MAPKBP1: variants seen among roughly 807,000 people sequenced by gnomAD.
MAPKBP1 encodes mitogen-activated protein kinase binding protein 1.
Under a neutral mutation model 170.5 loss-of-function variants are expected in MAPKBP1, and 71 were observed. The observed-to-expected ratio is 0.42, with a 90% CI of 0.34 to 0.51. The LOEUF (loss-of-function observed/expected upper bound fraction) is 0.51, where lower values mean the gene tolerates loss of function less well. MAPKBP1 is among the 20% of genes least tolerant of loss of function. The pLI is 0.06. For synonymous variants in MAPKBP1, 719 were observed against 757.9 expected, an observed-to-expected ratio of 0.95 and a Z score of 0.84; for missense variants, 1,598 against 1,933.0, an observed-to-expected ratio of 0.83 and a Z score of 3.25.
rs1057519305 is a variant in MAPKBP1, at chr15:41,816,937, G to A, written c.1613G>A (p.Arg538Gln). 2 of 1,611,462 alleles carry A rather than the reference G, an allele frequency of 1.2e-6. No homozygotes were observed. The highest frequency in any genetic ancestry group is 1.7e-6 in the Non-Finnish European group (2 of 1,178,318). Residue 538 changes from arginine (R) to glutamine (Q), a missense_variant, in exon 14 of 31, where the codon CGG (arginine) becomes CAG (glutamine). Arg to Gln is a conservative substitution (Grantham distance 43). Around this residue, in one of 6 missense-constraint regions of MAPKBP1, gnomAD observed 430 missense variants for 617.2 expected, o/e 0.70. Coordinates refer to ENST00000457542, the MANE Select transcript of MAPKBP1 (RefSeq NM_014994.3). ...TGLKLLASAS[R>Q]DRLIHVLDAG... ...CTGAAACTGCTAGCATCGGCGAGCC[G>A]GGACCGGCTGATCCATGTGCTGGAT...
At chr15:41,786,214 A>G (rs184423722) in intron 2 of MAPKBP1, among the ~76,000 whole-genome samples, 1 of 152,350 alleles carries the variant, frequency 6.6e-6, no homozygotes, top group African/African-American at 2.4e-5. Context: ...GGCTATAAAT[A>G]CCAAACTTGT....
intron 13 of MAPKBP1, 77 bp downstream of exon 13, chr15:41,816,727 C>G (rs1401181266): frequency 6.7e-7 from 1 of 1,482,198 alleles, no homozygotes; most frequent in Admixed American, 1.7e-5. Context: ...GGCTCTTGGA[C>G]GTGGGGTCGG....
At chr15:41,796,800 C>T (rs1360080339) in intron 2 of MAPKBP1, among the ~76,000 whole-genome samples, 1 of 152,114 alleles carries the variant, frequency 6.6e-6, no homozygotes, top group Non-Finnish European at 1.5e-5. Context: ...GAGCCTGTCT[C>T]CCAGGCCTGG....
intron 3 of MAPKBP1, among the ~76,000 whole-genome samples, chr15:41,806,833 C>G (rs2064705244): frequency 6.6e-6 from 1 of 152,150 alleles, no homozygotes; most frequent in Non-Finnish European, 1.5e-5. Flanking sequence ...CCCCAGCTGA[C>G]CTAGGAGCTT....
chr15:41,821,560 T>A (rs752687695), intron 23 of MAPKBP1, 24 bp from the exon 24 acceptor site: 1 of 1,605,466 alleles, frequency 6.2e-7, no homozygotes, highest in Non-Finnish European at 8.5e-7. Flanking sequence ...TCTGCTCTGT[T>A]AACATCCCTT....
rs1332896034 is a variant in MAPKBP1 at position 41,827,283 on chromosome 15, A to G, written c.*1847A>G. 2 of 151,464 alleles carry G rather than the reference A, an allele frequency of 1.3e-5. No individual in the cohort carries two copies. Among genetic ancestry groups the G allele is most frequent in the Non-Finnish European group, 2.9e-5 (2 of 67,914 alleles). The allele number at this position is 151,464 out of a possible 1,614,324, so 9.4% of individuals were successfully genotyped here. A position where few individuals can be genotyped will look rare whatever the true frequency, so the allele number is the denominator to read the frequency against. ...CCATTGCACTCCAACCTAGGTGACA[A>G]AGCTACACGCCATCTCAAAAAAAAA... On this transcript the variant is annotated 3_prime_UTR_variant, in exon 31 of 31. Coordinates refer to ENST00000457542, the MANE Select transcript of MAPKBP1 (RefSeq NM_014994.3).
rs1300663181 is a variant in MAPKBP1 at position 41,816,622 on chromosome 15, G to C, written c.1557G>C (p.Leu519=). The part of the protein sequence containing the change: ...LKVEAHDSEI[L]CLEYSKPDTG... ...TGGAGGCCCATGACTCTGAGATTCT[G>C]TGCCTGGAGTATTCTAAGCCAGACA... Residue 519 remains leucine, a synonymous_variant, in exon 13 of 31, where the codon CTG becomes CTC. Transcript: ENST00000457542. 1.2e-6 allele frequency: 2 copies of C among 1,614,008 alleles called. No individual in the cohort carries two copies. The highest frequency in any genetic ancestry group is 1.7e-6 in the Non-Finnish European group (2 of 1,180,044).
chr15:41,819,547 C>CAGCG lies in MAPKBP1; in HGVS notation c.2426-48_2426-47insAGCG, dbSNP rs765528665. 4.0e-6 allele frequency: 5 copies of CAGCG among 1,235,876 alleles called. No individual in the cohort carries two copies. In the African/African-American group the frequency reaches 5.5e-5, roughly 14 times the overall value. 76.6% of individuals were successfully genotyped at this position (1,235,876 alleles called of 1,614,324 possible). On this transcript the variant is annotated intron_variant, in intron 21 of 30. Coordinates refer to ENST00000457542, the MANE Select transcript of MAPKBP1 (RefSeq NM_014994.3). ...GGGCCAGGGCTCCAGGGTTGGGTGGCGGGGGGGGGGCAGGAGACACTTCCT... is the reference window on the plus strand; with the variant it reads ...GGGCCAGGGCTCCAGGGTTGGGTGGCAGCGGGGGGGGGGGCAGGAGACACTTCCT...
chr15:41,816,693 G>A (rs2064897768), intron 13 of MAPKBP1, 43 bp downstream of exon 13: 4 of 1,568,688 alleles, frequency 2.5e-6, no homozygotes, highest in Admixed American at 1.7e-5. Flanking sequence ...CTCCAGTCCT[G>A]CCGGTGCCAC....
chr15:41,822,657 A>G lies in MAPKBP1; in HGVS notation c.3294A>G (p.Gln1098=). 1 of 1,614,030 alleles carries G rather than the reference A, an allele frequency of 6.2e-7. No homozygotes were observed. Among genetic ancestry groups the G allele is most frequent in the Non-Finnish European group, 8.5e-7 (1 of 1,179,964 alleles). Reference sequence around the variant, plus strand: ...GTATCTCTTCACGATTCCTGTTGCAAGTACAGACCCGCCCACTCAGGTACA... The same window carrying G: ...GTATCTCTTCACGATTCCTGTTGCAGGTACAGACCCGCCCACTCAGGTACA... ...SRSISSRFLL[Q]VQTRPLREPS... Residue 1098 remains glutamine (Q), a synonymous_variant, in exon 27 of 31, where the codon CAA becomes CAG. Coordinates refer to ENST00000457542, the MANE Select transcript of MAPKBP1 (RefSeq NM_014994.3).
At position 41,823,429 on chromosome 15, in the gene MAPKBP1, C is replaced by T; in HGVS notation, c.3599-18C>T. 1 of 1,603,294 alleles carries T rather than the reference C, an allele frequency of 6.2e-7. No homozygotes were observed. Among genetic ancestry groups the T allele is most frequent in the South Asian group, 1.1e-5 (1 of 90,088 alleles). ...TTCCTCAACACCTGACCTGTGTATA[C>T]CTCTGTCTCCTTTGCAGAAAGACAT... On this transcript the variant is annotated intron_variant, in intron 28 of 30. Transcript: ENST00000457542.
rs573678027 is a variant in MAPKBP1, at chr15:41,814,612, C to A, written c.1043C>A (p.Pro348His). ...YPDTIALTFD[P>H]TNQWLSCVYN... ...GACACCATTGCCTTGACCTTTGATC[C>A]TACTAATCAGTGGCTGTCTTGTGTG... Residue 348 changes from proline (P) to histidine (H), a missense_variant, in exon 10 of 31, where the codon CCT (proline) becomes CAT (histidine). Coordinates refer to ENST00000457542, the MANE Select transcript of MAPKBP1 (RefSeq NM_014994.3). 8 of 1,614,198 alleles carry A rather than the reference C, an allele frequency of 5.0e-6. No individual in the cohort carries two copies. In the African/African-American group the frequency reaches 1.1e-4, roughly 22 times the overall value.
At position 41,819,644 on chromosome 15, in the gene MAPKBP1, G is replaced by A. The variant is rs557827880; in HGVS notation, c.2475G>A (p.Met825Ile). The part of the protein sequence containing the change: ...ALPRSLSHWE[M>I]SRAQESVGFL... ...CCCGAAGCCTGTCCCACTGGGAGAT[G>A]AGTCGGGTGAGTCGCCATTGTTAAA... Residue 825 changes from methionine to isoleucine, a missense_variant, in exon 22 of 31, where the codon ATG becomes ATA. Physicochemically the swap from Met to Ile is conservative, Grantham distance 10. Around this residue, in one of 6 missense-constraint regions of MAPKBP1, gnomAD observed 942 missense variants for 953.2 expected, o/e 0.99. Transcript: ENST00000457542. 9 of 1,609,868 alleles carry A rather than the reference G, an allele frequency of 5.6e-6. No individual in the cohort carries two copies. The Admixed American group carries it at 1.5e-4, about 27-fold the overall frequency.
Position 41,822,575 on chromosome 15 carries a change from T to C in MAPKBP1, c.3230-18T>C. On this transcript the variant is annotated intron_variant, in intron 26 of 30. Coordinates refer to ENST00000457542, the MANE Select transcript of MAPKBP1 (RefSeq NM_014994.3). ...GCTTGGTTTTTGCCCCAATTCATGA[T>C]TTCTCTGACCTTGGTAGGGGCCCCA... The C allele has an allele frequency of 6.2e-7, 1 of 1,613,508 alleles. No individual in the cohort carries two copies.
chr15:41,785,902 G>A (rs764885801), intron 2 of MAPKBP1, among the ~76,000 whole-genome samples: 2 of 152,106 alleles, frequency 1.3e-5, no homozygotes, highest in African/African-American at 2.4e-5. Flanking sequence ...ATCTTATTCT[G>A]TGCAGACACT....
intron 8 of MAPKBP1, 148 bp downstream of exon 8, chr15:41,813,249 A>G: frequency 6.6e-7 from 1 of 1,506,280 alleles, no homozygotes; most frequent in East Asian, 2.3e-5. Flanking sequence ...AGCTTGGCCC[A>G]TTTCCAGCCC....
rs765169322 is a variant in MAPKBP1, at chr15:41,813,796, C to T, written c.980+15C>T. 12 of 1,567,904 alleles carry T rather than the reference C, an allele frequency of 7.7e-6. No individual in the cohort carries two copies. The highest frequency in any genetic ancestry group is 3.6e-5 in the South Asian group (3 of 84,474). ...ACCGAGGCCAGGTGAGCTATGTGGGCCCCCCTTCCTCCATTTGTAGCCTTA... is the reference window on the plus strand; with the variant it reads ...ACCGAGGCCAGGTGAGCTATGTGGGTCCCCCTTCCTCCATTTGTAGCCTTA... On this transcript the variant is annotated intron_variant, in intron 9 of 30. Coordinates refer to ENST00000457542, the MANE Select transcript of MAPKBP1 (RefSeq NM_014994.3).
chr15:41,779,793 C>T (rs1012228473), intron 2 of MAPKBP1, among the ~76,000 whole-genome samples: 1 of 152,246 alleles, frequency 6.6e-6, no homozygotes, highest in Non-Finnish European at 1.5e-5. Context: ...CTATGCCCCT[C>T]ACCAGCCTTT....
intron 8 of MAPKBP1, 82 bp from the exon 9 acceptor site, chr15:41,813,539 G>A (rs953478616): frequency 2.6e-6 from 4 of 1,559,016 alleles, no homozygotes; most frequent in Non-Finnish European, 3.5e-6. Flanking sequence ...CCCTCCTCTT[G>A]GCAGGTGGCT....
Sources: gnomAD v4.1 joint callset for allele counts (sites outside exome capture counted in the v4.1 genomes callset) on GRCh38, gnomAD v4.1.1 for gene constraint, gnomAD v4.1.1 regional missense constraint, MANE v1.5 for transcripts, NCBI Gene and HGNC (gene_info 2026-07-23, HGNC 2026-07-21) for gene names.